DEFB110: variants seen among roughly 807,000 people sequenced by gnomAD.
DEFB110 encodes defensin beta 110, also known as beta-defensin 110.
In DEFB110, 4 loss-of-function variants were observed where a neutral mutation model predicts 2.5. The observed-to-expected ratio is 1.60, with a 90% confidence interval of 0.79 to 3.66. The LOEUF (loss-of-function observed/expected upper bound fraction) is 3.66. DEFB110 is among the 30% of genes most tolerant of loss of function. DEFB110 has a pLI of 0.01. For synonymous variants in DEFB110, 29 were observed against 21.8 expected (o/e 1.33, Z -0.92); for missense variants, 94 against 75.4 (o/e 1.25, Z -0.91).
At chr6:50,011,725 C>T (rs891149019) in intron 1 of DEFB110, among the ~76,000 whole-genome samples, 5 of 151,954 alleles carry the variant, frequency 3.3e-5, no homozygotes, top group African/African-American at 9.7e-5. Context: ...ACTGCTTCAC[C>T]TACCTCATGA....
chr6:50,021,769 T>C, intron 1 of DEFB110, 112 bp downstream of exon 1: 1 of 1,011,064 alleles, frequency 9.9e-7, no homozygotes, highest in Non-Finnish European at 1.4e-6. Flanking sequence ...CACATTACAT[T>C]TTTGTGAAAT....
downstream of DEFB110, among the ~76,000 whole-genome samples, chr6:50,014,525 C>T (rs939769103): frequency 2.0e-5 from 3 of 151,600 alleles, no homozygotes; most frequent in Non-Finnish European, 4.4e-5. Context: ...TACAAAATGG[C>T]AAAGTCATAT....
downstream of DEFB110, among the ~76,000 whole-genome samples, chr6:50,015,028 C>T (rs1774293537): frequency 6.6e-6 from 1 of 151,792 alleles, no homozygotes; most frequent in Non-Finnish European, 1.5e-5. Flanking sequence ...AATCGTCCAA[C>T]CAAAATTTGT....
At position 50,021,905 on chromosome 6, in the gene DEFB110, G is replaced by A; in HGVS notation, c.31C>T (p.His11Tyr). The part of the protein sequence containing the change: MKIQLFFFIL[H>Y]FWVTILPAKK... Reference sequence around the variant, plus strand: ...CCTGGTAAAATTGTGACCCAAAAGTGCAGAATAAAGAAAAAAAGTTGAATC... The same window carrying A: ...CCTGGTAAAATTGTGACCCAAAAGTACAGAATAAAGAAAAAAAGTTGAATC... The change falls in exon 1 of 2, where the codon CAC becomes TAC. Residue 11 changes from histidine to tyrosine, a missense_variant. Transcript: ENST00000371148. The A allele has an allele frequency of 6.4e-7, 1 of 1,555,640 alleles. No individual in the cohort carries two copies. The highest frequency in any genetic ancestry group is 8.6e-7 in the Non-Finnish European group (1 of 1,159,216).
downstream of DEFB110, chr6:50,018,782 C>T (rs1561992292): frequency 2.4e-6 from 3 of 1,259,570 alleles, no homozygotes; most frequent in Non-Finnish European, 3.0e-6. Flanking sequence ...CTGGTACCAA[C>T]AAATCAGGAG....
At chr6:50,013,472 C>T (rs1365963639) in intron 1 of DEFB110, among the ~76,000 whole-genome samples, 3 of 151,574 alleles carry the variant, frequency 2.0e-5, no homozygotes, top group African/African-American at 7.3e-5. Flanking sequence ...AAAGGCCCTA[C>T]CAAGCTAAGG....
At position 50,019,110 on chromosome 6, in the gene DEFB110, G is replaced by A; in HGVS notation, c.71C>T (p.Pro24Leu). 1 of 1,611,780 alleles carries A rather than the reference G, an allele frequency of 6.2e-7. No individual in the cohort carries two copies. The highest frequency in any genetic ancestry group is 8.5e-7 in the Non-Finnish European group (1 of 1,178,906). ...VTILPAKKKY[P>L]EYGSLDLRRE... ...CCTCAAGTCCAAGCTACCATACTCA[G>A]GATATTTCTTTTTGGCTGTAAGAAG... is the stretch of plus-strand genomic sequence containing the variant. The change falls in exon 2 of 2, where the codon CCT becomes CTT. Residue 24 changes from proline (P) to leucine (L), a missense_variant. By Grantham distance (98) the Pro-to-Leu change is moderately conservative (BLOSUM62 -3). Coordinates refer to ENST00000371148, the MANE Select transcript of DEFB110 (RefSeq NM_001037497.2).
intron 1 of DEFB110, among the ~76,000 whole-genome samples, chr6:50,012,117 G>GCC (rs1774237841): frequency 6.6e-6 from 1 of 151,804 alleles, no homozygotes. Context: ...CATTTCCTTT[G>GCC]TCTTTATTTG....
chr6:50,021,012 C>T (rs1443044571), intron 1 of DEFB110, among the ~76,000 whole-genome samples: 1 of 152,066 alleles, frequency 6.6e-6, no homozygotes, highest in Non-Finnish European at 1.5e-5. Context: ...TCTTATTTCA[C>T]CTTTCTAAAA....
chr6:50,014,233 A>G (rs1378262962), downstream of DEFB110, among the ~76,000 whole-genome samples: 1 of 151,896 alleles, frequency 6.6e-6, no homozygotes, highest in East Asian at 1.9e-4. Context: ...AGTTTGCTTT[A>G]GGAAAACATA....
chr6:50,019,124 G>A lies in DEFB110; in HGVS notation c.57C>T (p.Ala19=). Residue 19 remains alanine, a splice_region_variant and synonymous_variant, in exon 2 of 2, where the codon GCC becomes GCT. Transcript: ENST00000371148. ...TACCATACTCAGGATATTTCTTTTT[G>A]GCTGTAAGAAGGGAAGAATGACTAA... The part of the protein sequence containing the change: ...ILHFWVTILP[A]KKKYPEYGSL... 1.2e-6 allele frequency: 2 copies of A among 1,610,422 alleles called. No homozygotes were observed. The highest frequency in any genetic ancestry group is 1.7e-6 in the Non-Finnish European group (2 of 1,178,388).
intron 1 of DEFB110, among the ~76,000 whole-genome samples, chr6:50,019,763 G>T (rs1011013402): frequency 6.6e-6 from 1 of 151,256 alleles, no homozygotes; most frequent in Non-Finnish European, 1.5e-5. Context: ...TCACAAAAAA[G>T]TTTCTAAAAT....
chr6:50,009,368 T>G (rs1396701182), intron 1 of DEFB110: 11 of 1,304,408 alleles, frequency 8.4e-6, no homozygotes, highest in Non-Finnish European at 1.0e-5. Context: ...TATGAGATCA[T>G]GTGTGTGCAA....
chr6:50,019,081 C>T lies in DEFB110; in HGVS notation c.100G>A (p.Glu34Lys), dbSNP rs145542651. 1 of 1,613,098 alleles carries T rather than the reference C, an allele frequency of 6.2e-7. No individual in the cohort carries two copies. Among genetic ancestry groups the T allele is most frequent in the South Asian group, 1.1e-5 (1 of 91,042 alleles). ...PEYGSLDLRR[E>K]CRIGNGQCKN... ...CATTGACCATTACCTATTCTGCACT[C>T]TCTCCTCAAGTCCAAGCTACCATAC... is the stretch of plus-strand genomic sequence containing the variant. The change falls in exon 2 of 2, where the codon GAG (glutamate) becomes AAG (lysine). Residue 34 changes from glutamate (E) to lysine (K), a missense_variant. Physicochemically the swap from Glu to Lys is moderately conservative, Grantham distance 56. Transcript: ENST00000371148.
At chr6:50,020,373 A>G (rs1441515773) in intron 1 of DEFB110, among the ~76,000 whole-genome samples, 1 of 151,550 alleles carries the variant, frequency 6.6e-6, no homozygotes, top group Non-Finnish European at 1.5e-5. Flanking sequence ...CCAAGTCAAA[A>G]TTTTTTTATT....
intron 1 of DEFB110, among the ~76,000 whole-genome samples, chr6:50,012,781 A>T (rs1774248657): frequency 6.6e-6 from 1 of 151,878 alleles, no homozygotes; most frequent in Non-Finnish European, 1.5e-5. Flanking sequence ...TAGTTAGCAA[A>T]TATGTTGCAC....
At position 50,019,018 on chromosome 6, in the gene DEFB110, A is replaced by G. The variant is rs1049306558; in HGVS notation, c.163T>C (p.Tyr55His). The stretch of plus-strand genomic sequence containing the variant: ...CAATGAGTTCCAGGTCTTATGCAGT[A>G]AGCAATCCTAATTTCATTTTCATGA... ...QCHENEIRIA[Y>H]CIRPGTHCCL... The change falls in exon 2 of 2, where the codon TAC becomes CAC. Residue 55 changes from tyrosine (Y) to histidine (H), a missense_variant. By Grantham distance (83) the Tyr-to-His change is moderately conservative (BLOSUM62 2). Transcript: ENST00000371148. 1 of 1,612,952 alleles carries G rather than the reference A, an allele frequency of 6.2e-7. No homozygotes were observed. Among genetic ancestry groups the G allele is most frequent in the Non-Finnish European group, 8.5e-7 (1 of 1,179,384 alleles).
downstream of DEFB110, chr6:50,018,763 C>T: frequency 4.1e-6 from 5 of 1,213,136 alleles, no homozygotes; most frequent in Non-Finnish European, 5.2e-6. Flanking sequence ...AAAATAAGTC[C>T]TGCTACTTCT....
At position 50,018,914 on chromosome 6, in the gene DEFB110, TGGG is replaced by T; in HGVS notation, c.*60_*62del. The T allele has an allele frequency of 1.3e-6, 2 of 1,541,038 alleles. No homozygotes were observed. The highest frequency in any genetic ancestry group is 1.7e-6 in the Non-Finnish European group (2 of 1,148,762). Reference sequence around the variant, plus strand: ...GACACACACGCCTTGAAGGATGTGCTGGGAAAACTTAATAACGCTGGTCTCTCT... The same window carrying T: ...GACACACACGCCTTGAAGGATGTGCTAAAACTTAATAACGCTGGTCTCTCT... On this transcript the variant is annotated 3_prime_UTR_variant, in exon 2 of 2. Coordinates refer to ENST00000371148, the MANE Select transcript of DEFB110 (RefSeq NM_001037497.2).
Sources: gnomAD v4.1 joint callset for allele counts (sites outside exome capture counted in the v4.1 genomes callset) on GRCh38, gnomAD v4.1.1 for gene constraint, MANE v1.5 for transcripts, NCBI Gene and HGNC (gene_info 2026-07-23, HGNC 2026-07-21) for gene names.